Variants in CACNA1A observed in about 807,000 individuals in gnomAD.
The protein encoded by CACNA1A is calcium voltage-gated channel subunit alpha1 A.
Under a neutral mutation model 262.4 loss-of-function variants are expected in CACNA1A, and 57 were observed. That is an observed-to-expected ratio of 0.22 (90% CI 0.18 to 0.27). The LOEUF (loss-of-function observed/expected upper bound fraction) is 0.27, where lower values mean the gene tolerates loss of function less well. Ranked by LOEUF, CACNA1A falls within the 10% of genes least tolerant of loss-of-function variation. CACNA1A has a pLI of 1.00. For synonymous variants in CACNA1A, 1,431 were observed against 1,419.3 expected, an observed-to-expected ratio of 1.01 and a Z score of -0.18; for missense variants, 2,526 against 3,562.8, an observed-to-expected ratio of 0.71 and a Z score of 7.41.
rs1555730629 is a variant in CACNA1A at position 13,208,900 on chromosome 19, G to GTGGTGGTGC, written c.6627_6635dup (p.Gln2209_His2211dup). On this transcript the variant is annotated inframe_insertion, in exon 46 of 47. Coordinates refer to ENST00000360228, the MANE Select transcript of CACNA1A (RefSeq NM_001127222.2). ...GGGGATGGTGGTGGTGGTGGTGGTG[G>GTGGTGGTGC]TGGTGGTGCTGTCGATGCTTCCGAT... is the stretch of plus-strand genomic sequence containing the variant. The GTGGTGGTGC allele has an allele frequency of 1.3e-6, 2 of 1,536,468 alleles. No homozygotes were observed. Among genetic ancestry groups the GTGGTGGTGC allele is most frequent in the South Asian group, 2.4e-5 (2 of 84,030 alleles).
intron 10 of CACNA1A, among the ~76,000 whole-genome samples, chr19:13,329,722 C>T (rs1345574568): frequency 6.6e-6 from 1 of 151,094 alleles, no homozygotes; most frequent in Non-Finnish European, 1.5e-5. Context: ...ATCCGCTCAT[C>T]TCAGCTTCCC....
chr19:13,347,560 C>T (rs979591879), intron 6 of CACNA1A, among the ~76,000 whole-genome samples: 2 of 152,220 alleles, frequency 1.3e-5, no homozygotes, highest in Non-Finnish European at 2.9e-5. Flanking sequence ...TGCTCATTCA[C>T]TTACGCGCTT....
At chr19:13,351,399 T>C (rs899388618) in intron 6 of CACNA1A, among the ~76,000 whole-genome samples, 17 of 152,200 alleles carry the variant, frequency 1.1e-4, no homozygotes, top group Non-Finnish European at 2.2e-4. Context: ...TGGAGTGCAG[T>C]GGCGGGATCA....
intron 3 of CACNA1A, among the ~76,000 whole-genome samples, chr19:13,441,016 T>A (rs1307856766): frequency 6.6e-6 from 1 of 152,228 alleles, no homozygotes. Context: ...TTTCACCATG[T>A]TGCCCAGAAT....
At chr19:13,464,763 T>C (rs890097403) in intron 1 of CACNA1A, among the ~76,000 whole-genome samples, 2 of 151,830 alleles carry the variant, frequency 1.3e-5, no homozygotes, top group East Asian at 1.9e-4. Flanking sequence ...TTAGCCAGGG[T>C]GGTCTCGATC....
intron 24 of CACNA1A, among the ~76,000 whole-genome samples, chr19:13,268,893 CTTTTTTTTTTTTT>C (rs3050832): frequency 3.7e-5 from 4 of 107,948 alleles, no homozygotes; most frequent in East Asian, 2.7e-4. Context: ...ATAGATTCTA[CTTTTTTTTTTTTT>C]TTTTTTTTTT....
At chr19:13,300,789 T>C in intron 17 of CACNA1A, 133 bp from the exon 18 acceptor site, 1 of 731,474 alleles carries the variant, frequency 1.4e-6, no homozygotes, top group East Asian at 2.5e-5. Context: ...CCAATTGGAA[T>C]GGGTACCTGC....
chr19:13,373,522 A>T (rs1183689347), intron 3 of CACNA1A, among the ~76,000 whole-genome samples: 2 of 152,168 alleles, frequency 1.3e-5, no homozygotes, highest in Non-Finnish European at 2.9e-5. Flanking sequence ...ATTCTGGATC[A>T]CTTAAGAGGT....
At chr19:13,231,900 C>T (rs762406002) in intron 34 of CACNA1A, 40 bp from the exon 35 acceptor site, 3 of 1,588,338 alleles carry the variant, frequency 1.9e-6, no homozygotes, top group Non-Finnish European at 1.7e-6. Context: ...ACACCCAGCC[C>T]TGACTGGGTA....
intron 1 of CACNA1A, among the ~76,000 whole-genome samples, chr19:13,502,323 G>A (rs1349589856): frequency 1.3e-5 from 2 of 152,202 alleles, no homozygotes; most frequent in African/African-American, 4.8e-5. Flanking sequence ...AACTGTGCGT[G>A]ATAATACACT....
chr19:13,297,576 T>A (rs1238927921), intron 19 of CACNA1A, among the ~76,000 whole-genome samples: 1 of 152,086 alleles, frequency 6.6e-6, no homozygotes, highest in Non-Finnish European at 1.5e-5. Flanking sequence ...TTAGGGAGGC[T>A]AAGGCAGGCG....
Position 13,308,185 on chromosome 19 carries a change from C to T in CACNA1A, c.1848G>A (p.Leu616=), listed in dbSNP as rs1164864162. Residue 616 remains leucine (L), a synonymous_variant, in exon 14 of 47, where the codon CTG becomes CTA. Coordinates refer to ENST00000360228, the MANE Select transcript of CACNA1A (RefSeq NM_001127222.2). This position sits in a 1 kb window ranked among gnomAD's most constrained non-coding sequence, Gnocchi z 4.2. ...CAATGAACAGGAAAAGGAGAAACAA[C>T]AGGCTGATGATGGACTTCATGGAGT... ...LLNSMKSIIS[L]LFLLFLFIVV... The T allele has an allele frequency of 1.7e-5, 28 of 1,613,866 alleles. No individual in the cohort carries two copies. Among genetic ancestry groups the T allele is most frequent in the Non-Finnish European group, 2.2e-5 (26 of 1,179,892 alleles).
chr19:13,393,791 T>C (rs1346388199), intron 3 of CACNA1A, among the ~76,000 whole-genome samples: 40 of 91,058 alleles, frequency 4.4e-4, no homozygotes, highest in South Asian at 1.2e-3. Context: ...CCTTCCTTCC[T>C]TCCTTCCCTC....
intron 19 of CACNA1A, among the ~76,000 whole-genome samples, chr19:13,297,519 A>G (rs974893633): frequency 3.9e-5 from 6 of 152,174 alleles, no homozygotes; most frequent in African/African-American, 1.4e-4. Context: ...ACTAAAGGTA[A>G]AAAAATTAGG....
rs1339726563 is a variant in CACNA1A, at chr19:13,252,767, G to A, written c.4866+224C>T. 1.7e-5 allele frequency: 6 copies of A among 356,306 alleles called. No individual in the cohort carries two copies. In the Admixed American group the frequency reaches 2.6e-4, roughly 16 times the overall value. The allele number at this position is 356,306 out of a possible 1,614,324, so 22.1% of individuals were successfully genotyped here. A position where few individuals can be genotyped will look rare whatever the true frequency, so the allele number is the denominator to read the frequency against. On this transcript the variant is annotated intron_variant, in intron 30 of 46. Coordinates refer to ENST00000360228, the MANE Select transcript of CACNA1A (RefSeq NM_001127222.2). ...TGACTCCCATCATTTTGAGGAACTG[G>A]ATACATAAGCAGCCATATGGTAACA...
intron 21 of CACNA1A, chr19:13,283,905 C>T (rs568896120): frequency 6.6e-6 from 1 of 152,428 alleles, no homozygotes; most frequent in African/African-American, 2.4e-5. Context: ...AATCATGAGA[C>T]CCAAGACTTA....
chr19:13,332,777 T>C (rs375934027), intron 9 of CACNA1A, 92 bp downstream of exon 9: 2 of 775,604 alleles, frequency 2.6e-6, no homozygotes, highest in Non-Finnish European at 4.4e-6. Flanking sequence ...GCAAGATCCT[T>C]AGAACCAGTC....
At position 13,503,808 on chromosome 19, in the gene CACNA1A, G is replaced by T. The variant is rs187394589; in HGVS notation, c.293+2124C>A. On this transcript the variant is annotated intron_variant, in intron 1 of 46. Coordinates refer to ENST00000360228, the MANE Select transcript of CACNA1A (RefSeq NM_001127222.2). Reference sequence around the variant, plus strand: ...AAAAACAGTCTGCAGAGAGCATAATGCACAAACTCATCATAAGAGCAAGAA... The same window carrying T: ...AAAAACAGTCTGCAGAGAGCATAATTCACAAACTCATCATAAGAGCAAGAA... Among the ~76,000 whole-genome samples the T allele has an allele frequency of 6.4e-4, 98 of 152,158 alleles. 2 individuals carry two copies. The East Asian group carries it at 0.017, about 27-fold the overall frequency.
At chr19:13,299,464 C>T in intron 18 of CACNA1A, 111 bp from the exon 19 acceptor site, 1 of 845,034 alleles carries the variant, frequency 1.2e-6, no homozygotes, top group East Asian at 2.4e-5. Flanking sequence ...TCTCCACCCT[C>T]TACTCCCCAC....
Sources: gnomAD v4.1 joint callset for allele counts (sites outside exome capture counted in the v4.1 genomes callset) on GRCh38, gnomAD v4.1.1 for gene constraint, Gnocchi (gnomAD v3.1) non-coding constraint, MANE v1.5 for transcripts, NCBI Gene and HGNC (gene_info 2026-07-23, HGNC 2026-07-21) for gene names.